The following NR6A1 variants were observed in gnomAD, a reference collection of about 807,000 sequenced individuals.
The protein encoded by NR6A1 is nuclear receptor subfamily 6 group A member 1.
NR6A1 carries 7 observed loss-of-function variants against 59.1 expected under a neutral mutation model. That is an observed-to-expected ratio of 0.12 (90% confidence interval 0.07 to 0.22). The LOEUF (loss-of-function observed/expected upper bound fraction) is 0.22. NR6A1 is among the 10% of genes least tolerant of loss of function. NR6A1 has a pLI of 1.00. For missense variants in NR6A1, 468 were observed against 611.6 expected, an observed-to-expected ratio of 0.77 and a Z score of 2.48; for synonymous variants, 243 against 236.1, an observed-to-expected ratio of 1.03 and a Z score of -0.27.
chr9:124,759,133 A>C (rs912587675), intron 1 of NR6A1, among the ~76,000 whole-genome samples: 18 of 152,166 alleles, frequency 1.2e-4, no homozygotes, highest in African/African-American at 4.3e-4. Flanking sequence ...CCTCTTTTAC[A>C]TCTTTCTCAC....
At chr9:124,609,370 T>C (rs771992314) in intron 2 of NR6A1, among the ~76,000 whole-genome samples, 1 of 152,196 alleles carries the variant, frequency 6.6e-6, no homozygotes, top group Non-Finnish European at 1.5e-5. Flanking sequence ...TAGGGAAACC[T>C]TTCCCCACTG....
chr9:124,564,343 T>C (rs1834171370), intron 2 of NR6A1, among the ~76,000 whole-genome samples: 1 of 152,190 alleles, frequency 6.6e-6, no homozygotes, highest in Non-Finnish European at 1.5e-5. Context: ...GTACTCTACC[T>C]TTATTCAACA....
chr9:124,537,016 T>C (rs897855735), intron 6 of NR6A1, among the ~76,000 whole-genome samples: 1 of 152,060 alleles, frequency 6.6e-6, no homozygotes, highest in African/African-American at 2.4e-5. Context: ...GAGTTTCAGC[T>C]TTCTTCCTCT....
intron 2 of NR6A1, chr9:124,692,680 C>G (rs1838596274): frequency 4.0e-6 from 1 of 250,466 alleles, no homozygotes; most frequent in Non-Finnish European, 8.9e-6. Context: ...GCTCACTGTT[C>G]CTTGCTTTCT....
intron 1 of NR6A1, among the ~76,000 whole-genome samples, chr9:124,759,291 GCAAA>G (rs970373941): frequency 2.0e-5 from 3 of 152,162 alleles, no homozygotes; most frequent in Non-Finnish European, 4.4e-5. Flanking sequence ...ATACAGTCAA[GCAAA>G]CAGCCACTAG....
At chr9:124,607,345 T>C (rs1281275927) in intron 2 of NR6A1, 1 of 152,202 alleles carries the variant, frequency 6.6e-6, no homozygotes. Flanking sequence ...CGGGATGAAC[T>C]GGCCTAGGTC....
chr9:124,528,179 C>A (rs1337986357), intron 7 of NR6A1, among the ~76,000 whole-genome samples: 1 of 152,186 alleles, frequency 6.6e-6, no homozygotes, highest in African/African-American at 2.4e-5. Context: ...GAAGGCTTTG[C>A]AGGCTTAGGC....
At chr9:124,543,743 G>C in intron 4 of NR6A1, 59 bp downstream of exon 4, 2 of 1,364,534 alleles carry the variant, frequency 1.5e-6, no homozygotes, top group Non-Finnish European at 1.0e-6. Context: ...GCAGTTTCAG[G>C]AACAGCTGGA....
chr9:124,564,718 G>C (rs892704788), intron 2 of NR6A1, among the ~76,000 whole-genome samples: 7 of 148,726 alleles, frequency 4.7e-5, no homozygotes, highest in African/African-American at 1.8e-4. Flanking sequence ...TGTATAACTT[G>C]ACAAGCTAAT....
chr9:124,762,200 G>T (rs1401601541), intron 1 of NR6A1, among the ~76,000 whole-genome samples: 1 of 151,968 alleles, frequency 6.6e-6, no homozygotes, highest in Non-Finnish European at 1.5e-5. Context: ...GACCCTAAAG[G>T]GTTGATATTT....
intron 2 of NR6A1, among the ~76,000 whole-genome samples, chr9:124,689,998 T>C (rs1838472660): frequency 6.6e-6 from 1 of 152,118 alleles, no homozygotes; most frequent in South Asian, 2.1e-4. Context: ...GCCGAATCAG[T>C]AAAAGGATGA....
rs149126037 is a variant in NR6A1 at position 124,733,212 on chromosome 9, G to A, written c.142+96C>T. On this transcript the variant is annotated intron_variant, in intron 2 of 9. Coordinates refer to ENST00000487099, the MANE Select transcript of NR6A1 (RefSeq NM_033334.4). ...GAAATAAAATCTGAGAGTCAATAAA[G>A]TAAGGCTTATCAATGACACCTTAAG... 10 of 878,946 alleles carry A rather than the reference G, an allele frequency of 1.1e-5. No individual in the cohort carries two copies. In the African/African-American group the frequency reaches 1.7e-4, roughly 15 times the overall value. 54.4% of individuals were successfully genotyped at this position (878,946 alleles called of 1,614,324 possible). A position where few individuals can be genotyped will look rare whatever the true frequency, so the allele number is the denominator to read the frequency against.
At chr9:124,673,357 G>A (rs1046544429) in intron 2 of NR6A1, among the ~76,000 whole-genome samples, 3 of 151,890 alleles carry the variant, frequency 2.0e-5, no homozygotes, top group Non-Finnish European at 4.4e-5. Context: ...ACATATGAAG[G>A]TTCTCCCATA....
At chr9:124,544,885 ATCTT>A (rs1052578007) in intron 3 of NR6A1, among the ~76,000 whole-genome samples, 3 of 152,224 alleles carry the variant, frequency 2.0e-5, no homozygotes, top group African/African-American at 4.8e-5. Flanking sequence ...TTTTTAAAAA[ATCTT>A]TCTGACAGCC....
chr9:124,540,738 C>T (rs1833417666), intron 4 of NR6A1, among the ~76,000 whole-genome samples: 1 of 152,130 alleles, frequency 6.6e-6, no homozygotes, highest in Non-Finnish European at 1.5e-5. Flanking sequence ...AAGATTGAGG[C>T]TGTAGTGAGC....
At chr9:124,634,715 A>G (rs759837744) in intron 2 of NR6A1, among the ~76,000 whole-genome samples, 4 of 152,062 alleles carry the variant, frequency 2.6e-5, no homozygotes, top group Non-Finnish European at 5.9e-5. Context: ...CCAGCTACTC[A>G]GGAGGCTGAG....
chr9:124,758,574 T>A (rs1292090224), intron 1 of NR6A1, among the ~76,000 whole-genome samples: 2 of 152,160 alleles, frequency 1.3e-5, no homozygotes, highest in Non-Finnish European at 2.9e-5. Context: ...GTGATCTTGT[T>A]TAAACAACAA....
intron 2 of NR6A1, among the ~76,000 whole-genome samples, chr9:124,707,384 T>C (rs1248178182): frequency 6.6e-6 from 1 of 152,194 alleles, no homozygotes; most frequent in African/African-American, 2.4e-5. Flanking sequence ...ACTAGATCAC[T>C]GTCATCACAC....
At chr9:124,568,715 C>T (rs1030274603) in intron 2 of NR6A1, among the ~76,000 whole-genome samples, 2 of 151,930 alleles carry the variant, frequency 1.3e-5, no homozygotes, top group East Asian at 1.9e-4. Context: ...AGTGATGGAA[C>T]TGAGTTTTAA....
Sources: gnomAD v4.1 joint callset for allele counts (sites outside exome capture counted in the v4.1 genomes callset) on GRCh38, gnomAD v4.1.1 for gene constraint, MANE v1.5 for transcripts, NCBI Gene and HGNC (gene_info 2026-07-23, HGNC 2026-07-21) for gene names.